The following CHD2 variants were observed in gnomAD, a reference collection of about 807,000 sequenced individuals.
CHD2 encodes chromodomain helicase DNA binding protein 2, also known as ATP-dependent chromatin remodeler CHD2.
CHD2 carries 28 observed loss-of-function variants against 243.9 expected under a neutral mutation model. The observed-to-expected ratio is 0.11, with a 90% CI of 0.09 to 0.16. The LOEUF (loss-of-function observed/expected upper bound fraction) is 0.16, where lower values mean the gene tolerates loss of function less well. Ranked by LOEUF, CHD2 falls within the 10% of genes least tolerant of loss-of-function variation. The pLI, the probability that CHD2 is intolerant of heterozygous loss-of-function variation, is 1.00. For missense variants in CHD2, 1,386 were observed against 2,209.8 expected, an observed-to-expected ratio of 0.63 and a Z score of 7.47; for synonymous variants, 775 against 779.0, an observed-to-expected ratio of 0.99 and a Z score of 0.09.
chr15:92,901,696 C>T (rs948864546), intron 2 of CHD2: 1 of 338,762 alleles, frequency 3.0e-6, no homozygotes, highest in African/African-American at 2.1e-5. Context: ...TTGAAGAATC[C>T]AGGATATCTA....
chr15:93,011,255 C>T (rs530993573), intron 35 of CHD2, among the ~76,000 whole-genome samples: 6 of 152,230 alleles, frequency 3.9e-5, no homozygotes, highest in African/African-American at 7.2e-5. Flanking sequence ...AGAAACTGTT[C>T]GTCATGAGGC....
At position 92,956,788 on chromosome 15, in the gene CHD2, G is replaced by A. The variant is rs60312088; in HGVS notation, c.2000+139G>A. 1,009 of 729,270 alleles carry A rather than the reference G, an allele frequency of 1.4e-3. 8 individuals are homozygous for A. In the African/African-American group the frequency reaches 0.017, roughly 12 times the overall value. The allele number at this position is 729,270 out of a possible 1,614,324, so 45.2% of individuals were successfully genotyped here. ...AGCGTCAAATGGAGGCAGGGATGGCGGTAGTAAAATGTTTCATAATCAATG... is the reference window on the plus strand; with the variant it reads ...AGCGTCAAATGGAGGCAGGGATGGCAGTAGTAAAATGTTTCATAATCAATG... On this transcript the variant is annotated intron_variant, in intron 16 of 38. Coordinates refer to ENST00000394196, the MANE Select transcript of CHD2 (RefSeq NM_001271.4).
At chr15:92,977,335 A>G (rs996099613) in intron 20 of CHD2, among the ~76,000 whole-genome samples, 3 of 152,210 alleles carry the variant, frequency 2.0e-5, no homozygotes, top group African/African-American at 7.2e-5. Flanking sequence ...GAATGTGACT[A>G]TTAGAACATG....
intron 16 of CHD2, 144 bp from the exon 17 acceptor site, chr15:92,967,181 C>A (rs549195426): frequency 3.5e-6 from 2 of 579,022 alleles, no homozygotes; most frequent in African/African-American, 1.9e-5. Flanking sequence ...TTTACTTTTC[C>A]CCTTTTTGTT....
In CHD2 at chr15:93,020,007, T is replaced by A; in HGVS notation, c.4907-5T>A. On this transcript the variant is annotated splice_polypyrimidine_tract_variant and splice_region_variant and intron_variant, in intron 37 of 38. Transcript: ENST00000394196. ...GTCATCAGATCATTCTTTCTTTTCC[T>A]GCAGATCGAGGAGACTGGCAGAGGG... 4 of 1,606,758 alleles carry A rather than the reference T, an allele frequency of 2.5e-6. No individual in the cohort carries two copies. The highest frequency in any genetic ancestry group is 3.4e-6 in the Non-Finnish European group (4 of 1,174,306).
Position 92,939,866 on chromosome 15 carries a change from T to A in CHD2, c.692+148T>A. The A allele has an allele frequency of 3.4e-6, 3 of 883,674 alleles. 1 individual carries two copies. In the South Asian group the frequency reaches 5.6e-5, roughly 17 times the overall value. 54.7% of individuals were successfully genotyped at this position (883,674 alleles called of 1,614,324 possible). A position where few individuals can be genotyped will look rare whatever the true frequency, so the allele number is the denominator to read the frequency against. ...TTGTTTTCAGAAATCTGGTTAGCTT[T>A]CTTGCAAAAAGAGTGGTATTGAGCC... is the stretch of plus-strand genomic sequence containing the variant. On this transcript the variant is annotated intron_variant, in intron 7 of 38. Transcript: ENST00000394196.
chr15:92,904,733 C>T, intron 2 of CHD2: 1 of 1,386,022 alleles, frequency 7.2e-7, no homozygotes, highest in Non-Finnish European at 9.3e-7. Flanking sequence ...GAAAATTTGC[C>T]CAGTTTTACA....
chr15:92,939,991 ATCT>A (rs1349611130), intron 7 of CHD2, among the ~76,000 whole-genome samples: 6 of 152,358 alleles, frequency 3.9e-5, no homozygotes, highest in Non-Finnish European at 7.3e-5. Flanking sequence ...TAGTGGCATT[ATCT>A]TCATTTCATA....
chr15:92,910,815 G>A (rs1192103763), intron 2 of CHD2, among the ~76,000 whole-genome samples: 3 of 152,184 alleles, frequency 2.0e-5, no homozygotes, highest in Non-Finnish European at 4.4e-5. Context: ...GTGTTGCTTA[G>A]CAATGGAGAT....
intron 3 of CHD2, among the ~76,000 whole-genome samples, chr15:92,925,034 C>T (rs543117572): frequency 2.0e-5 from 3 of 152,158 alleles, no homozygotes; most frequent in African/African-American, 7.2e-5. Flanking sequence ...CTTCTGACCT[C>T]AGGTGATCCA....
At chr15:92,939,853 ATCTG>A in intron 7 of CHD2, 135 bp downstream of exon 7, 1 of 961,558 alleles carries the variant, frequency 1.0e-6, no homozygotes, top group Non-Finnish European at 1.5e-6. Flanking sequence ...GTTTTCAGAA[ATCTG>A]GTTAGCTTTC....
Position 92,993,007 on chromosome 15 carries a change from A to G in CHD2, c.3595+9A>G, listed in dbSNP as rs369779460. Reference sequence around the variant, plus strand: ...AGAAAATGCCAGCGAGGGTAAGCGAAGTTGGCTTTAGTGAGTCTTCGCAAC... The same window carrying G: ...AGAAAATGCCAGCGAGGGTAAGCGAGGTTGGCTTTAGTGAGTCTTCGCAAC... On this transcript the variant is annotated intron_variant, in intron 28 of 38. Transcript: ENST00000394196. 3 of 1,612,800 alleles carry G rather than the reference A, an allele frequency of 1.9e-6. No individual in the cohort carries two copies. The African/African-American group carries it at 4.0e-5, about 22-fold the overall frequency.
intron 4 of CHD2, 102 bp downstream of exon 4, chr15:92,927,432 C>A: frequency 2.5e-6 from 2 of 807,388 alleles, no homozygotes; most frequent in South Asian, 1.6e-5. Flanking sequence ...GAACTTCAGG[C>A]ATGAGGGTTA....
intron 5 of CHD2, among the ~76,000 whole-genome samples, chr15:92,936,728 C>T (rs2053273273): frequency 6.6e-6 from 1 of 151,960 alleles, no homozygotes; most frequent in Non-Finnish European, 1.5e-5. Context: ...TATAGTGGTT[C>T]TCAGAGTTTC....
intron 38 of CHD2, among the ~76,000 whole-genome samples, chr15:93,023,149 A>G (rs899685131): frequency 6.6e-5 from 10 of 152,340 alleles, no homozygotes; most frequent in South Asian, 4.1e-4. Context: ...TCAGTCAGAG[A>G]AAACCCTATA....
intron 37 of CHD2, among the ~76,000 whole-genome samples, chr15:93,018,434 C>CT (rs2054489726): frequency 6.6e-6 from 1 of 152,196 alleles, no homozygotes; most frequent in South Asian, 2.1e-4. Context: ...AGTAGAGACA[C>CT]TTATTTGGTG....
chr15:92,993,998 TAAAG>T (rs2054156002), intron 28 of CHD2, among the ~76,000 whole-genome samples: 1 of 152,082 alleles, frequency 6.6e-6, no homozygotes, highest in Admixed American at 6.6e-5. Flanking sequence ...AATTAAAAAA[TAAAG>T]AAATGAAGTT....
intron 38 of CHD2, 93 bp from the exon 39 acceptor site, chr15:93,024,279 T>G: frequency 1.8e-5 from 19 of 1,073,008 alleles, no homozygotes; most frequent in Non-Finnish European, 2.2e-5. Flanking sequence ...TCCTTGAATA[T>G]GAGTATATGA....
Position 93,026,695 on chromosome 15 carries a change from C to T in CHD2, c.*1990C>T. ...TTAGGCCACACAGTGATGAGGAAAC[C>T]ACAGATGGAGCTTCTTGCCGATAAT... is the stretch of plus-strand genomic sequence containing the variant. On this transcript the variant is annotated 3_prime_UTR_variant, in exon 39 of 39. Transcript: ENST00000394196. 6.6e-6 allele frequency: 1 copy of T among 152,294 alleles called. No individual in the cohort carries two copies. The highest frequency in any genetic ancestry group is 1.9e-4 in the East Asian group (1 of 5,202). The allele number at this position is 152,294 out of a possible 1,614,324, so 9.4% of individuals were successfully genotyped here. A position where few individuals can be genotyped will look rare whatever the true frequency, so the allele number is the denominator to read the frequency against.
Sources: allele counts gnomAD v4.1 joint callset (sites outside exome capture counted in the v4.1 genomes callset), GRCh38; gene constraint gnomAD v4.1.1; transcripts MANE v1.5; gene names NCBI Gene and HGNC (gene_info 2026-07-23, HGNC 2026-07-21).